Variants in PPRC1 observed in about 807,000 individuals in gnomAD.
PPRC1 encodes peroxisome proliferator-activated receptor gamma coactivator-related protein 1.
PPRC1 carries 23 observed loss-of-function variants against 132.5 expected under a neutral mutation model. The observed-to-expected ratio is 0.17, with a 90% confidence interval of 0.12 to 0.25. The LOEUF (loss-of-function observed/expected upper bound fraction) is 0.25. Among genes scored for constraint, PPRC1 ranks in the 10% least tolerant of loss-of-function variants. The pLI, the probability that PPRC1 is intolerant of heterozygous loss-of-function variation, is 1.00. For synonymous variants in PPRC1, 872 were observed against 833.5 expected (o/e 1.05, Z -0.80); for missense variants, 2,006 against 2,089.1 (o/e 0.96, Z 0.78).
chr10:102,146,690 C>G lies in PPRC1; in HGVS notation c.3698C>G (p.Thr1233Ser). The G allele has an allele frequency of 6.2e-7, 1 of 1,611,130 alleles. No homozygotes were observed. Among genetic ancestry groups the G allele is most frequent in the Non-Finnish European group, 8.5e-7 (1 of 1,178,440 alleles). The change falls in exon 9 of 14, where the codon ACC becomes AGC. Residue 1233 changes from threonine (T) to serine (S), a missense_variant. Transcript: ENST00000278070. ...ANVAGLTPPA[T>S]PPHQLWKPLA... ...ACCACAGGGCTCACCCCTCCAGCTA[C>G]CCCTCCCCACCAGTTATGGAAGCCC...
rs2068886227 is a variant in PPRC1, at chr10:102,140,027, G to A, written c.1519G>A (p.Glu507Lys). ...CAACTTGCAGAAACAGCCTCAGGAA[G>A]AACTTCAAAAAGAGTCTGGGCCTCT... ...VDNLQKQPQE[E>K]LQKESGPLQG... The change falls in exon 5 of 14, where the codon GAA (glutamate) becomes AAA (lysine). Residue 507 changes from glutamate to lysine, a missense_variant. By Grantham distance (56) the Glu-to-Lys change is moderately conservative. Transcript: ENST00000278070. 2.5e-6 allele frequency: 4 copies of A among 1,614,224 alleles called. No homozygotes were observed. Among genetic ancestry groups the A allele is most frequent in the Non-Finnish European group, 3.4e-6 (4 of 1,180,034 alleles).
chr10:102,129,060 G>C (rs571492447), upstream of PPRC1, among the ~76,000 whole-genome samples: 1 of 150,242 alleles, frequency 6.7e-6, no homozygotes, highest in East Asian at 2.0e-4. Flanking sequence ...CTCCCGCGTA[G>C]CTGGGACTAC....
At chr10:102,149,075 T>C (rs2069397592) in intron 12 of PPRC1, 103 bp from the exon 13 acceptor site, 7 of 1,526,000 alleles carry the variant, frequency 4.6e-6, no homozygotes, top group Non-Finnish European at 5.3e-6. Context: ...GGTTGGCCAC[T>C]GGGAATGAGA....
intron 6 of PPRC1, 107 bp downstream of exon 6, chr10:102,143,205 C>G: frequency 1.0e-6 from 1 of 984,766 alleles, no homozygotes; most frequent in East Asian, 2.5e-5. Context: ...GCCTTAGCCA[C>G]TGGAGCAGAC....
chr10:102,130,935 G>C (rs1360812681), upstream of PPRC1, among the ~76,000 whole-genome samples: 2 of 152,024 alleles, frequency 1.3e-5, no homozygotes, highest in Non-Finnish European at 2.9e-5. Flanking sequence ...GCTCACCCCT[G>C]TAATCCCAGC....
chr10:102,142,030 T>TAGTC, intron 5 of PPRC1, 26 bp downstream of exon 5: 1 of 1,573,876 alleles, frequency 6.4e-7, no homozygotes, highest in Non-Finnish European at 8.6e-7. Flanking sequence ...TTCCCCCATG[T>TAGTC]AGTCCCCAAG....
Position 102,148,754 on chromosome 10 carries a change from G to C in PPRC1, c.4617+60G>C. On this transcript the variant is annotated intron_variant, in intron 11 of 13. Coordinates refer to ENST00000278070, the MANE Select transcript of PPRC1 (RefSeq NM_015062.5). This position sits in a 1 kb window ranked among gnomAD's most constrained non-coding sequence, Gnocchi z 4.2. ...TTACCCCCTGAGCCTTGAGCTCAGA[G>C]AGCTGCCTGCAGCTGTAGCCCTGGC... is the stretch of plus-strand genomic sequence containing the variant. 1 of 1,614,136 alleles carries C rather than the reference G, an allele frequency of 6.2e-7. No homozygotes were observed. The highest frequency in any genetic ancestry group is 1.1e-5 in the South Asian group (1 of 91,078).
Position 102,139,690 on chromosome 10 carries a change from G to A in PPRC1, c.1182G>A (p.Leu394=). 2 of 1,614,072 alleles carry A rather than the reference G, an allele frequency of 1.2e-6. No homozygotes were observed. The highest frequency in any genetic ancestry group is 1.3e-5 in the African/African-American group (1 of 75,056). Residue 394 remains leucine, a synonymous_variant, in exon 5 of 14, where the codon CTG becomes CTA. Transcript: ENST00000278070. The stretch of plus-strand genomic sequence containing the variant: ...CCTTGCAGCTGCTTATGCCTACACT[G>A]GAGTCAGAGACAGAGGCTGCTGTGC... The part of the protein sequence containing the change: ...SSALQLLMPT[L]ESETEAAVPK...
chr10:102,138,432 G>T (rs1222123914), intron 2 of PPRC1, among the ~76,000 whole-genome samples, 187 bp from the exon 3 acceptor site: 1 of 152,188 alleles, frequency 6.6e-6, no homozygotes, highest in African/African-American at 2.4e-5. Context: ...ACAGGTCTCT[G>T]TTGACACCAA....
In PPRC1 at chr10:102,141,884, C is replaced by G. The variant is rs1267849573; in HGVS notation, c.3376C>G (p.Gln1126Glu). 3 of 1,614,172 alleles carry G rather than the reference C, an allele frequency of 1.9e-6. No homozygotes were observed. The change falls in exon 5 of 14, where the codon CAG becomes GAG. Residue 1126 changes from glutamine (Q) to glutamate (E), a missense_variant. Coordinates refer to ENST00000278070, the MANE Select transcript of PPRC1 (RefSeq NM_015062.5). ...TACCAAGGCTGTTCCCACACCAAGG[C>G]AGAGCACTGTCCCCAAGCTGCCTGC... ...PATKAVPTPR[Q>E]STVPKLPAVH...
chr10:102,124,345 G>C, the PPRC1 span, among the ~76,000 whole-genome samples: 1 of 151,894 alleles, frequency 6.6e-6, no homozygotes, highest in African/African-American at 2.4e-5. Flanking sequence ...TTACAGATGT[G>C]AGCCACCGCG....
intron 5 of PPRC1, among the ~76,000 whole-genome samples, chr10:102,142,457 C>T (rs1314370978): frequency 1.8e-5 from 2 of 110,522 alleles, no homozygotes; most frequent in Non-Finnish European, 3.5e-5. Context: ...CTTCCTCTGT[C>T]GCCCAGGCTG....
chr10:102,123,509 G>A, the PPRC1 span, among the ~76,000 whole-genome samples: 4 of 152,120 alleles, frequency 2.6e-5, no homozygotes, highest in Admixed American at 2.6e-4. Context: ...TATGTGTGTG[G>A]TAAAATTCAC....
upstream of PPRC1, among the ~76,000 whole-genome samples, chr10:102,131,147 A>G (rs2068534322): frequency 6.7e-6 from 1 of 148,556 alleles, no homozygotes; most frequent in South Asian, 2.1e-4. Flanking sequence ...GTGAGCCAAG[A>G]TCGCGCCACT....
upstream of PPRC1, among the ~76,000 whole-genome samples, chr10:102,130,320 G>C (rs774049726): frequency 1.5e-4 from 23 of 151,202 alleles, no homozygotes; most frequent in Non-Finnish European, 2.8e-4. Context: ...GGGAGGCTGA[G>C]GCAGGAAAAT....
In PPRC1 at chr10:102,141,948, C is replaced by T. The variant is rs1438528546; in HGVS notation, c.3440C>T (p.Pro1147Leu). 1 of 1,614,046 alleles carries T rather than the reference C, an allele frequency of 6.2e-7. No individual in the cohort carries two copies. The highest frequency in any genetic ancestry group is 1.3e-5 in the African/African-American group (1 of 75,054). Reference protein sequence around the residue: ...PARLRKLSFLPTPRTQGSEDV... With the variant: ...PARLRKLSFLLTPRTQGSEDV... ...CGTCTAAGGAAGCTGTCCTTCCTGC[C>T]TACCCCACGTACTCAGGGTTCTGAA... The change falls in exon 5 of 14, where the codon CCT becomes CTT. Residue 1147 changes from proline to leucine, a missense_variant. Physicochemically the swap from Pro to Leu is moderately conservative, Grantham distance 98. This residue lies in a region of PPRC1 where 1,914 missense variants were observed against 1,917.2 expected (regional missense o/e 1.00). Coordinates refer to ENST00000278070, the MANE Select transcript of PPRC1 (RefSeq NM_015062.5).
In PPRC1 at chr10:102,140,548, A is replaced by G; in HGVS notation, c.2040A>G (p.Pro680=). The G allele has an allele frequency of 1.2e-6, 2 of 1,614,060 alleles. No homozygotes were observed. The highest frequency in any genetic ancestry group is 1.7e-6 in the Non-Finnish European group (2 of 1,180,020). Residue 680 remains proline, a synonymous_variant, in exon 5 of 14, where the codon CCA becomes CCG. Coordinates refer to ENST00000278070, the MANE Select transcript of PPRC1 (RefSeq NM_015062.5). The part of the protein sequence containing the change: ...LVDPVPNDLT[P]VDPVLVKSRP... ...ACCCTGTTCCTAATGACCTGACTCC[A>G]GTTGACCCAGTGCTAGTTAAGTCCA...
At chr10:102,125,069 C>T in the PPRC1 span, among the ~76,000 whole-genome samples, 1 of 152,036 alleles carries the variant, frequency 6.6e-6, no homozygotes. Flanking sequence ...AGGCCCGTAC[C>T]ACACCAAGCC....
chr10:102,122,127 TG>T, the PPRC1 span, among the ~76,000 whole-genome samples: 1 of 152,022 alleles, frequency 6.6e-6, no homozygotes, highest in East Asian at 1.9e-4. Flanking sequence ...AGGACCTGAC[TG>T]AAGCCATCCA....
Sources: gnomAD v4.1 joint callset for allele counts (sites outside exome capture counted in the v4.1 genomes callset) on GRCh38, gnomAD v4.1.1 for gene constraint, gnomAD v4.1.1 regional missense constraint, Gnocchi (gnomAD v3.1) non-coding constraint, MANE v1.5 for transcripts, NCBI Gene and HGNC (gene_info 2026-07-23, HGNC 2026-07-21) for gene names.